The following RFC1 variants were observed in gnomAD, a reference collection of about 807,000 sequenced individuals.
RFC1 encodes replication factor C subunit 1.
In RFC1, 37 loss-of-function variants were observed where a neutral mutation model predicts 137.4. The ratio of observed to expected loss-of-function variants is 0.27; its 90% CI spans 0.21 to 0.35. RFC1 has a LOEUF of 0.35. Ranked by LOEUF, RFC1 falls within the 10% of genes least tolerant of loss-of-function variation. The probability of loss-of-function intolerance (pLI) is 1.00; values close to 1 mark genes in which losing one functional copy is unlikely to be tolerated. For synonymous variants in RFC1, 429 were observed against 455.7 expected (o/e 0.94, Z 0.75); for missense variants, 1,205 against 1,358.5 (o/e 0.89, Z 1.78).
chr4:39,344,570 T>C (rs1740756399), intron 3 of RFC1, among the ~76,000 whole-genome samples: 1 of 152,170 alleles, frequency 6.6e-6, no homozygotes, highest in Non-Finnish European at 1.5e-5. Flanking sequence ...GAGACCAGCC[T>C]TGTCTACGTG....
chr4:39,362,241 T>C (rs1367669123), intron 1 of RFC1, among the ~76,000 whole-genome samples: 2 of 152,228 alleles, frequency 1.3e-5, no homozygotes, highest in Non-Finnish European at 2.9e-5. Context: ...ATTCCCTAAA[T>C]TGACCTACAG....
At chr4:39,343,862 G>A (rs1331706365) in intron 3 of RFC1, among the ~76,000 whole-genome samples, 4 of 151,760 alleles carry the variant, frequency 2.6e-5, no homozygotes, top group Non-Finnish European at 5.9e-5. Flanking sequence ...CTGTAATCCC[G>A]ACACTTTGGG....
rs184886066 is a variant in RFC1, at chr4:39,299,022, G to A, written c.2808+999C>T. Among the ~76,000 whole-genome samples the A allele has an allele frequency of 3.9e-3, 592 of 152,288 alleles. 4 individuals are homozygous for A. Among genetic ancestry groups the A allele is most frequent in the Non-Finnish European group, 6.8e-3 (465 of 68,028 alleles). On this transcript the variant is annotated intron_variant, in intron 21 of 24. Coordinates refer to ENST00000349703, the MANE Select transcript of RFC1 (RefSeq NM_002913.5). ...TCATGATGGCCCTAACGCCCACACT[G>A]GAAGGTTGTGGGTTTACGGGAATGA... is the stretch of plus-strand genomic sequence containing the variant.
At chr4:39,289,713 T>A in intron 24 of RFC1, 135 bp downstream of exon 24, 4 of 653,380 alleles carry the variant, frequency 6.1e-6, no homozygotes, top group Non-Finnish European at 1.1e-5. Context: ...TTCTCCACCC[T>A]CAACCATGAT....
At chr4:39,329,678 C>T (rs1278815963) in intron 4 of RFC1, among the ~76,000 whole-genome samples, 2 of 152,088 alleles carry the variant, frequency 1.3e-5, no homozygotes, top group Non-Finnish European at 2.9e-5. Flanking sequence ...GAAATGGAGG[C>T]TGCAGTAAGC....
At chr4:39,335,676 C>A (rs1175940753) in intron 4 of RFC1, among the ~76,000 whole-genome samples, 1 of 151,888 alleles carries the variant, frequency 6.6e-6, no homozygotes, top group Admixed American at 6.6e-5. Context: ...GGTACATTAC[C>A]CAAAGCTTCT....
chr4:39,343,324 A>C (rs548812233), intron 3 of RFC1, among the ~76,000 whole-genome samples: 92 of 152,050 alleles, frequency 6.1e-4, no homozygotes, highest in African/African-American at 2.1e-3. Context: ...CGCCTGGCCT[A>C]ATCTCCCTAT....
intron 1 of RFC1, among the ~76,000 whole-genome samples, chr4:39,364,186 A>G (rs1457898585): frequency 6.6e-6 from 1 of 151,644 alleles, no homozygotes; most frequent in Admixed American, 6.6e-5. Context: ...CATATCATTC[A>G]CTGTATTTAT....
rs1742015012 is a variant in RFC1 at position 39,366,127 on chromosome 4, G to T, written c.3+112C>A. Reference sequence around the variant, plus strand: ...CCTTCTCTGCCTTTGCTAGCCTCCGGAACCACCCACCGCCATCCTCCCCCA... The same window carrying T: ...CCTTCTCTGCCTTTGCTAGCCTCCGTAACCACCCACCGCCATCCTCCCCCA... On this transcript the variant is annotated intron_variant, in intron 1 of 24. Coordinates refer to ENST00000349703, the MANE Select transcript of RFC1 (RefSeq NM_002913.5). The T allele has an allele frequency of 9.8e-6, 12 of 1,226,166 alleles. 1 individual carries two copies. In the South Asian group the frequency reaches 1.2e-4, roughly 12 times the overall value. The allele number at this position is 1,226,166 out of a possible 1,614,324, so 76.0% of individuals were successfully genotyped here.
At chr4:39,345,243 G>A (rs757142825) in intron 3 of RFC1, among the ~76,000 whole-genome samples, 158 bp downstream of exon 3, 5 of 152,136 alleles carry the variant, frequency 3.3e-5, no homozygotes, top group Non-Finnish European at 7.3e-5. Context: ...TCGAACTCCT[G>A]ACCTCAAGTC....
chr4:39,332,910 G>A (rs1740174190), intron 4 of RFC1, among the ~76,000 whole-genome samples: 1 of 152,194 alleles, frequency 6.6e-6, no homozygotes, highest in South Asian at 2.1e-4. Flanking sequence ...TTGAGCCCAG[G>A]AGTTCAAGAC....
chr4:39,354,749 CAAAAAAAA>C (rs34342477), intron 1 of RFC1, among the ~76,000 whole-genome samples: 4 of 51,008 alleles, frequency 7.8e-5, no homozygotes, highest in African/African-American at 3.0e-4. Flanking sequence ...GAAACTATCT[CAAAAAAAA>C]AAAAAAAAAA....
intron 1 of RFC1, among the ~76,000 whole-genome samples, chr4:39,360,489 G>C (rs1741698474): frequency 1.3e-5 from 2 of 151,486 alleles, no homozygotes; most frequent in Non-Finnish European, 2.9e-5. Flanking sequence ...GGGTGACAGG[G>C]CGAGACTCCA....
chr4:39,296,781 C>T (rs1738034670), intron 21 of RFC1, among the ~76,000 whole-genome samples: 1 of 148,892 alleles, frequency 6.7e-6, no homozygotes, highest in African/African-American at 2.5e-5. Context: ...AATGGGATGG[C>T]TGGGTCAAAT....
chr4:39,324,488 G>C (rs1327776499), intron 6 of RFC1, among the ~76,000 whole-genome samples: 1 of 152,190 alleles, frequency 6.6e-6, no homozygotes, highest in Non-Finnish European at 1.5e-5. Context: ...GGCTACTTGT[G>C]CTACCTTGAG....
chr4:39,343,245 A>T (rs972215298), intron 3 of RFC1, among the ~76,000 whole-genome samples: 5 of 152,052 alleles, frequency 3.3e-5, no homozygotes, highest in Admixed American at 6.6e-5. Context: ...CTGGTCTGGA[A>T]ATCCTGACCT....
chr4:39,303,398 T>C (rs1286443249), intron 15 of RFC1, among the ~76,000 whole-genome samples: 2 of 152,078 alleles, frequency 1.3e-5, no homozygotes, highest in African/African-American at 4.8e-5. Flanking sequence ...AACAGTCTCT[T>C]ATATGTCCTT....
chr4:39,317,530 T>C (rs1739302986), intron 9 of RFC1, among the ~76,000 whole-genome samples: 1 of 152,064 alleles, frequency 6.6e-6, no homozygotes, highest in Admixed American at 6.5e-5. Context: ...TCAAAGAAGG[T>C]ACAAGCTTTA....
Position 39,347,800 on chromosome 4 carries a change from G to A in RFC1, c.133-2324C>T, listed in dbSNP as rs376967808. ...ACAGAATGTTGGTATAAATATGAAT[G>A]TTAAAGGCCAACCTGGTAAGGTTTT... On this transcript the variant is annotated intron_variant, in intron 2 of 24. Transcript: ENST00000349703. 8.5e-4 allele frequency among the ~76,000 whole-genome samples: 129 copies of A among 152,284 alleles called. 3 individuals carry two copies. The South Asian group carries it at 0.026, about 31-fold the overall frequency.
Sources: gnomAD v4.1 joint callset for allele counts (sites outside exome capture counted in the v4.1 genomes callset) on GRCh38, gnomAD v4.1.1 for gene constraint, MANE v1.5 for transcripts, NCBI Gene and HGNC (gene_info 2026-07-23, HGNC 2026-07-21) for gene names.